The following HBS1L variants were observed in gnomAD, a reference collection of about 807,000 sequenced individuals.
HBS1L encodes HBS1 like translational GTPase.
A neutral mutation model predicts 88.9 loss-of-function variants in HBS1L; 55 were observed. That is an observed-to-expected ratio of 0.62 (90% CI 0.50 to 0.77). HBS1L has a LOEUF of 0.77. HBS1L is among the 30% of genes least tolerant of loss of function. The pLI is 0.00. For missense variants in HBS1L, 741 were observed against 829.3 expected, an observed-to-expected ratio of 0.89 and a Z score of 1.31; for synonymous variants, 267 against 288.5, an observed-to-expected ratio of 0.93 and a Z score of 0.76.
intron 2 of HBS1L, among the ~76,000 whole-genome samples, chr6:135,046,437 G>GA (rs1169550039): frequency 6.6e-6 from 1 of 151,910 alleles, no homozygotes; most frequent in Non-Finnish European, 1.5e-5. Context: ...CATATTAGCT[G>GA]AAACAAAATA....
rs1774204038 is a variant in HBS1L, at chr6:134,962,224, ATTG to A, written c.*3052_*3054del. The A allele has an allele frequency of 6.7e-6, 1 of 150,066 alleles. No individual in the cohort carries two copies. Among genetic ancestry groups the A allele is most frequent in the Non-Finnish European group, 1.5e-5 (1 of 67,642 alleles). 9.3% of individuals were successfully genotyped at this position (150,066 alleles called of 1,614,324 possible). ...TAACTTCTATATATCAGGATCTGTA[ATTG>A]TTATTTTTATATCAATAAAAAAAAC... On this transcript the variant is annotated 3_prime_UTR_variant, in exon 18 of 18. Coordinates refer to ENST00000367837, the MANE Select transcript of HBS1L (RefSeq NM_006620.4).
chr6:135,042,443 T>G (rs899293262), intron 2 of HBS1L, among the ~76,000 whole-genome samples: 3 of 152,142 alleles, frequency 2.0e-5, no homozygotes, highest in African/African-American at 7.2e-5. Context: ...TACTATTCTG[T>G]GTTCCCTGAA....
intron 4 of HBS1L, among the ~76,000 whole-genome samples, chr6:135,032,496 A>T (rs1776417039): frequency 6.6e-6 from 1 of 152,178 alleles, no homozygotes; most frequent in African/African-American, 2.4e-5. Context: ...TAATCTGTTT[A>T]TATATAAAAC....
At chr6:135,005,597 T>G (rs1327544543) in intron 4 of HBS1L, among the ~76,000 whole-genome samples, 1 of 152,208 alleles carries the variant, frequency 6.6e-6, no homozygotes, top group Admixed American at 6.5e-5. Flanking sequence ...AAGGGAATAA[T>G]ATGGCAGAAT....
At chr6:134,982,775 A>G (rs1774869703) in intron 12 of HBS1L, 2 of 341,868 alleles carry the variant, frequency 5.9e-6, no homozygotes, top group African/African-American at 4.3e-5. Context: ...TTACCAAAGA[A>G]AGGTTCATTC....
intron 15 of HBS1L, among the ~76,000 whole-genome samples, chr6:134,971,007 G>C (rs1034681347): frequency 6.6e-6 from 1 of 151,800 alleles, no homozygotes; most frequent in Admixed American, 6.6e-5. Context: ...GAATTTCCTA[G>C]CCAAAATAGT....
intron 12 of HBS1L, chr6:134,983,637 C>T (rs1774895880): frequency 6.6e-6 from 1 of 152,110 alleles, no homozygotes; most frequent in Non-Finnish European, 1.5e-5. Flanking sequence ...TAAAAGAACA[C>T]TCTCCCAGGA....
chr6:134,990,281 G>A (rs780367788), intron 8 of HBS1L, among the ~76,000 whole-genome samples: 2 of 152,150 alleles, frequency 1.3e-5, no homozygotes, highest in Non-Finnish European at 2.9e-5. Flanking sequence ...GGAAGCCTCT[G>A]ATGATCAAGC....
chr6:134,995,853 T>C (rs1775274779), intron 7 of HBS1L, among the ~76,000 whole-genome samples: 1 of 152,066 alleles, frequency 6.6e-6, no homozygotes, highest in Non-Finnish European at 1.5e-5. Flanking sequence ...GAAACCATTA[T>C]GATACAAATT....
chr6:135,014,286 C>T (rs1298834667), intron 4 of HBS1L, among the ~76,000 whole-genome samples: 1 of 152,166 alleles, frequency 6.6e-6, no homozygotes, highest in African/African-American at 2.4e-5. Context: ...GCTTCCTCCT[C>T]CTAAGCAGAA....
At chr6:135,001,903 C>A (rs1775470673) in intron 5 of HBS1L, among the ~76,000 whole-genome samples, 1 of 149,852 alleles carries the variant, frequency 6.7e-6, no homozygotes, top group South Asian at 2.1e-4. Context: ...AAATAAGGTT[C>A]CTGGGTTTAT....
intron 4 of HBS1L, among the ~76,000 whole-genome samples, chr6:135,030,767 AGAG>A (rs1188043136): frequency 9.9e-5 from 15 of 152,216 alleles, no homozygotes; most frequent in Non-Finnish European, 1.3e-4. Flanking sequence ...ATAACAATAA[AGAG>A]TAGTGGGCCA....
intron 17 of HBS1L, 78 bp from the exon 18 acceptor site, chr6:134,965,368 G>T: frequency 1.1e-6 from 1 of 935,338 alleles, no homozygotes; most frequent in Non-Finnish European, 1.6e-6. Context: ...GGAAAATTAT[G>T]GTGAAAGAAT....
rs776967433 is a variant in HBS1L at position 134,965,305 on chromosome 6, A to C, written c.2044-15T>G. ...CATTCTTTTATCTGTTAAAACAAAA[A>C]AAAAAAAGACATTTGCTGTAATTTA... is the stretch of plus-strand genomic sequence containing the variant. On this transcript the variant is annotated splice_polypyrimidine_tract_variant and intron_variant, in intron 17 of 17. Transcript: ENST00000367837. 1.5e-5 allele frequency: 22 copies of C among 1,516,200 alleles called. No homozygotes were observed. The highest frequency in any genetic ancestry group is 1.8e-5 in the Admixed American group (1 of 55,586). The allele number at this position is 1,516,200 out of a possible 1,614,324, so 93.9% of individuals were successfully genotyped here. A position where few individuals can be genotyped will look rare whatever the true frequency, so the allele number is the denominator to read the frequency against.
At position 134,982,255 on chromosome 6, in the gene HBS1L, CAT is replaced by C; in HGVS notation, c.1597+201_1597+202del. On this transcript the variant is annotated intron_variant, in intron 13 of 17. Coordinates refer to ENST00000367837, the MANE Select transcript of HBS1L (RefSeq NM_006620.4). ...CTACTACAGTTAGAATGTTTATGTACATATATATACAGACACAATCACAACAG... is the reference window on the plus strand; with the variant it reads ...CTACTACAGTTAGAATGTTTATGTACATATATACAGACACAATCACAACAG... 9.8e-6 allele frequency: 5 copies of C among 508,026 alleles called. No individual in the cohort carries two copies. In the South Asian group the frequency reaches 1.3e-4, roughly 13 times the overall value. The allele number at this position is 508,026 out of a possible 1,614,324, so 31.5% of individuals were successfully genotyped here. A position where few individuals can be genotyped will look rare whatever the true frequency, so the allele number is the denominator to read the frequency against.
rs906377350 is a variant in HBS1L at position 134,979,831 on chromosome 6, C to CAG, written c.1598-565_1598-564dup. Among the ~76,000 whole-genome samples the CAG allele has an allele frequency of 2.0e-5, 3 of 152,002 alleles. No individual in the cohort carries two copies. The South Asian group carries it at 6.2e-4, about 32-fold the overall frequency. ...CTCCTGGCTCAAAAGAACTTCTTTC[C>CAG]AGAGAGAGATCTGCATACTAATGAC... On this transcript the variant is annotated intron_variant, in intron 13 of 17. Transcript: ENST00000367837.
At chr6:134,992,998 T>A (rs530237411) in intron 8 of HBS1L, among the ~76,000 whole-genome samples, 36 of 152,310 alleles carry the variant, frequency 2.4e-4, no homozygotes, top group African/African-American at 8.7e-4. Context: ...ACCTTTTCTA[T>A]GATATGCTTA....
intron 2 of HBS1L, among the ~76,000 whole-genome samples, chr6:135,046,684 C>A (rs1776923729): frequency 6.6e-6 from 1 of 152,038 alleles, no homozygotes; most frequent in Non-Finnish European, 1.5e-5. Flanking sequence ...CATAGTGAGA[C>A]CAGGAAAATT....
rs189644937 is a variant in HBS1L at position 135,015,806 on chromosome 6, C to A, written c.431-12964G>T. Among the ~76,000 whole-genome samples, 181 of 151,794 alleles carry A rather than the reference C, an allele frequency of 1.2e-3. 1 individual carries two copies. Among genetic ancestry groups the A allele is most frequent in the Middle Eastern group, 6.9e-3 (2 of 288 alleles). On this transcript the variant is annotated intron_variant, in intron 4 of 17. Transcript: ENST00000367837. ...CTGTGTTGCCCAGGCTGGTCTTGAACTCCTGAGCTCAAGCAATCCACCCAC... is the reference window on the plus strand; with the variant it reads ...CTGTGTTGCCCAGGCTGGTCTTGAAATCCTGAGCTCAAGCAATCCACCCAC...
Sources: allele counts gnomAD v4.1 joint callset (sites outside exome capture counted in the v4.1 genomes callset), GRCh38; gene constraint gnomAD v4.1.1; transcripts MANE v1.5; gene names NCBI Gene and HGNC (gene_info 2026-07-23, HGNC 2026-07-21).